The following FANCI variants were observed in gnomAD, a reference collection of about 807,000 sequenced individuals.
FANCI encodes FA complementation group I, also known as Fanconi anemia group I protein.
FANCI carries 156 observed loss-of-function variants against 176.1 expected under a neutral mutation model. The observed-to-expected ratio is 0.89, with a 90% confidence interval of 0.78 to 1.01. The LOEUF (loss-of-function observed/expected upper bound fraction) is 1.01. Among genes scored for constraint, FANCI ranks in the 50% least tolerant of loss-of-function variants. The pLI is 0.00. For missense variants in FANCI, 1,678 were observed against 1,534.1 expected (o/e 1.09, Z -1.57); for synonymous variants, 613 against 541.7 (o/e 1.13, Z -1.83).
At chr15:89,246,763 CT>C (rs35104299) in intron 1 of FANCI, among the ~76,000 whole-genome samples, 397 of 113,922 alleles carry the variant, frequency 3.5e-3, no homozygotes, top group Middle Eastern at 0.011. Context: ...TTCTTCCTTT[CT>C]TTTTTTTTTT....
rs1028931288 is a variant in FANCI, at chr15:89,281,104, T to G, written c.1382-66T>G. 5.2e-6 allele frequency: 8 copies of G among 1,533,302 alleles called. No homozygotes were observed. The African/African-American group carries it at 1.1e-4, about 21-fold the overall frequency. 95.0% of individuals were successfully genotyped at this position (1,533,302 alleles called of 1,614,324 possible). A position where few individuals can be genotyped will look rare whatever the true frequency, so the allele number is the denominator to read the frequency against. On this transcript the variant is annotated intron_variant, in intron 14 of 37. Coordinates refer to ENST00000310775, the MANE Select transcript of FANCI (RefSeq NM_001113378.2). ...AAAAGACTTCACATTTCTTTCTCCG[T>G]ATTTTTCTTTTATTTCAGTTATCTT...
chr15:89,308,139 G>C, intron 34 of FANCI: 1 of 1,085,348 alleles, frequency 9.2e-7, no homozygotes, highest in Non-Finnish European at 1.1e-6. Flanking sequence ...TGCAGTACTT[G>C]AATCTCCTTT....
In FANCI at chr15:89,274,245, G is replaced by T. The variant is rs777308680; in HGVS notation, c.1053G>T (p.Gln351His). 7 of 1,612,450 alleles carry T rather than the reference G, an allele frequency of 4.3e-6. No homozygotes were observed. Among genetic ancestry groups the T allele is most frequent in the Non-Finnish European group, 5.9e-6 (7 of 1,179,282 alleles). The change falls in exon 12 of 38, where the codon CAG becomes CAT. Residue 351 changes from glutamine (Q) to histidine (H), a missense_variant. Gln to His is a conservative substitution (Grantham distance 24, BLOSUM62 0). Coordinates refer to ENST00000310775, the MANE Select transcript of FANCI (RefSeq NM_001113378.2). ...TCCTCCAAGGCTCAAAATTTCTTCAGAATCTAGTTCCTCATAGATCTTATG... is the reference window on the plus strand; with the variant it reads ...TCCTCCAAGGCTCAAAATTTCTTCATAATCTAGTTCCTCATAGATCTTATG... ...LQLLQGSKFL[Q>H]NLVPHRSYVS...
rs921897204 is a variant in FANCI at position 89,314,657 on chromosome 15, G to C, written c.3766G>C (p.Ala1256Pro). The C allele has an allele frequency of 1.2e-6, 2 of 1,614,096 alleles. No individual in the cohort carries two copies. Among genetic ancestry groups the C allele is most frequent in the Non-Finnish European group, 1.7e-6 (2 of 1,180,004 alleles). ...CAAGCCAATCCCTAACCTCATCTTT[G>C]CCATAGAACAGTATGAAAAATTTCT... ...ETKPIPNLIF[A>P]IEQYEKFLIH... The change falls in exon 36 of 38, where the codon GCC (alanine) becomes CCC (proline). Residue 1256 changes from alanine to proline, a missense_variant. Around this residue, in one of 3 missense-constraint regions of FANCI, gnomAD observed 1,204 missense variants for 1,077.4 expected, o/e 1.12. Transcript: ENST00000310775.
At chr15:89,300,106 A>G in intron 25 of FANCI, 140 bp downstream of exon 25, 1 of 1,069,152 alleles carries the variant, frequency 9.4e-7, no homozygotes, top group Non-Finnish European at 1.4e-6. Flanking sequence ...TGGATTCAGG[A>G]TTGGTACCTA....
chr15:89,280,255 C>T (rs1158451579), intron 14 of FANCI, among the ~76,000 whole-genome samples: 1 of 152,052 alleles, frequency 6.6e-6, no homozygotes, highest in Non-Finnish European at 1.5e-5. Context: ...CTCTTGACCT[C>T]GTGATCCACC....
chr15:89,312,699 A>G (rs1028133803), intron 34 of FANCI, among the ~76,000 whole-genome samples: 24 of 152,106 alleles, frequency 1.6e-4, no homozygotes, highest in Non-Finnish European at 4.4e-5. Flanking sequence ...ACGTGCCTGT[A>G]GTCCCAGCTA....
intron 1 of FANCI, 101 bp from the exon 2 acceptor site, chr15:89,247,528 T>A: frequency 1.2e-6 from 1 of 837,266 alleles, no homozygotes; most frequent in Non-Finnish European, 2.1e-6. Flanking sequence ...GAGCACCCAT[T>A]GCATAATAGG....
In FANCI at chr15:89,300,447, G is replaced by A; in HGVS notation, c.2889+62G>A. 4 of 1,457,596 alleles carry A rather than the reference G, an allele frequency of 2.7e-6. No homozygotes were observed. The South Asian group carries it at 4.6e-5, about 17-fold the overall frequency. 90.3% of individuals were successfully genotyped at this position (1,457,596 alleles called of 1,614,324 possible). On this transcript the variant is annotated intron_variant, in intron 26 of 37. Transcript: ENST00000310775. ...AGGCTTTGCAAAGGAACTGTTAGCA[G>A]GGGCAGCTGGTAAGAATGGGCAGAC... is the stretch of plus-strand genomic sequence containing the variant.
intron 11 of FANCI, 53 bp from the exon 12 acceptor site, chr15:89,274,115 C>A: frequency 7.5e-7 from 1 of 1,326,238 alleles, no homozygotes; most frequent in Non-Finnish European, 1.0e-6. Context: ...CTGTTAGGTG[C>A]TTGATCTTTT....
chr15:89,297,772 G>A (rs2054362193), intron 24 of FANCI, among the ~76,000 whole-genome samples: 1 of 149,244 alleles, frequency 6.7e-6, no homozygotes, highest in Non-Finnish European at 1.5e-5. Context: ...CGTGGGGAGA[G>A]GGAGGGGGAG....
intron 34 of FANCI, chr15:89,307,903 C>T (rs2054789765): frequency 7.1e-7 from 1 of 1,403,140 alleles, no homozygotes; most frequent in Non-Finnish European, 9.3e-7. Context: ...TATATGTTTG[C>T]ATTTGGAGCA....
Position 89,316,769 on chromosome 15 carries a change from T to G in FANCI, c.*310T>G. ...GGCAGTGCTATGGTCCAGGCTGGCT[T>G]CGTTTTTCCAAGGAGCCTTTGGTGA... is the stretch of plus-strand genomic sequence containing the variant. On this transcript the variant is annotated 3_prime_UTR_variant, in exon 38 of 38. Coordinates refer to ENST00000310775, the MANE Select transcript of FANCI (RefSeq NM_001113378.2). 6.2e-7 allele frequency: 1 copy of G among 1,613,790 alleles called. No homozygotes were observed. The highest frequency in any genetic ancestry group is 8.5e-7 in the Non-Finnish European group (1 of 1,179,638).
chr15:89,314,757 G>C (rs928277140), intron 36 of FANCI, 50 bp downstream of exon 36: 1 of 1,358,000 alleles, frequency 7.4e-7, no homozygotes, highest in Admixed American at 1.7e-5. Context: ...CTTCTTGACA[G>C]ATCTGGCAAA....
Position 89,306,178 on chromosome 15 carries a change from C to A in FANCI, c.3521C>A (p.Thr1174Lys). Residue 1174 changes from threonine (T) to lysine (K), a missense_variant, in exon 32 of 38, where the codon ACA (threonine) becomes AAA (lysine). Physicochemically the swap from Thr to Lys is moderately conservative, Grantham distance 78 (BLOSUM62 -1). Around this residue, in one of 3 missense-constraint regions of FANCI, gnomAD observed 1,204 missense variants for 1,077.4 expected, o/e 1.12. Transcript: ENST00000310775. ...TTGTGCAAAATGTACACCACACTTA[C>A]AGCCCTTGTCAGATATGTGAGTATT... The part of the protein sequence containing the change: ...KDLCKMYTTL[T>K]ALVRYYLQVC... 1 of 1,614,178 alleles carries A rather than the reference C, an allele frequency of 6.2e-7. No individual in the cohort carries two copies. The highest frequency in any genetic ancestry group is 8.5e-7 in the Non-Finnish European group (1 of 1,180,010).
chr15:89,249,927 A>G (rs550891488), intron 2 of FANCI, among the ~76,000 whole-genome samples: 4 of 152,244 alleles, frequency 2.6e-5, no homozygotes, highest in Admixed American at 1.3e-4. Context: ...AACACATAGA[A>G]TGTTCATAAA....
intron 35 of FANCI, among the ~76,000 whole-genome samples, chr15:89,313,973 T>TCTCACA (rs1491452047): frequency 1.0e-5 from 1 of 98,286 alleles, no homozygotes; most frequent in Non-Finnish European, 2.0e-5. Flanking sequence ...AGATATATAA[T>TCTCACA]CACACACACA....
intron 4 of FANCI, 111 bp from the exon 5 acceptor site, chr15:89,261,474 G>A (rs1165379544): frequency 2.2e-6 from 3 of 1,366,160 alleles, no homozygotes; most frequent in Non-Finnish European, 3.1e-6. Flanking sequence ...TATGGGACCA[G>A]TTCTGGATCT....
At chr15:89,314,470 G>T in intron 35 of FANCI, 142 bp from the exon 36 acceptor site, 2 of 641,612 alleles carry the variant, frequency 3.1e-6, no homozygotes, top group Non-Finnish European at 5.4e-6. Context: ...AAAAATTTTA[G>T]ATTACTGGTA....
Sources: gnomAD v4.1 joint callset for allele counts (sites outside exome capture counted in the v4.1 genomes callset) on GRCh38, gnomAD v4.1.1 for gene constraint, gnomAD v4.1.1 regional missense constraint, MANE v1.5 for transcripts, NCBI Gene and HGNC (gene_info 2026-07-23, HGNC 2026-07-21) for gene names.